The following ASB11 variants were observed in gnomAD, a reference collection of about 807,000 sequenced individuals.
ASB11 encodes the protein ankyrin repeat and SOCS box containing 11, also known as ankyrin repeat and SOCS box protein 11.
In ASB11, 17 loss-of-function variants were observed where a neutral mutation model predicts 20.1. The observed-to-expected ratio is 0.85, with a 90% confidence interval of 0.58 to 1.27. ASB11 has a LOEUF of 1.27. Among genes scored for constraint, ASB11 ranks in the 50% most tolerant of loss-of-function variants. ASB11 has a pLI of 0.00. For synonymous variants in ASB11, 107 were observed against 105.6 expected (o/e 1.01, Z -0.08); for missense variants, 259 against 256.9 (o/e 1.01, Z -0.06).
intron 6 of ASB11, among the ~76,000 whole-genome samples, chrX:15,285,140 C>CT (rs767822616): frequency 0.14 from 11,567 of 81,449 alleles, 917 homozygotes; most frequent in African/African-American, 0.23. Context: ...TTTAATCTTT[C>CT]TTTTTTTTTT....
At chrX:15,292,098 C>T (rs1291105889) in intron 4 of ASB11, 1 of 108,893 alleles carries the variant, frequency 9.2e-6, no homozygotes, top group African/African-American at 3.3e-5. Flanking sequence ...TACTCTACAA[C>T]TTAAAGGACT....
chrX:15,286,400 C>T (rs1440063830), intron 6 of ASB11, among the ~76,000 whole-genome samples: 1 of 110,136 alleles, frequency 9.1e-6, no homozygotes, highest in Non-Finnish European at 1.9e-5. Flanking sequence ...GGTGCAGTGG[C>T]TCACACCTGT....
chrX:15,284,176 C>T lies in ASB11; in HGVS notation c.848-547G>A, dbSNP rs1282869713. On this transcript the variant is annotated intron_variant, in intron 6 of 6. Coordinates refer to ENST00000480796, the MANE Select transcript of ASB11 (RefSeq NM_080873.3). ...CTGAGGCAGGAGAATGGCGTGAACC[C>T]GGGAGGCGGAGCTTGCAGTGAGCCG... 6.9e-5 allele frequency among the ~76,000 whole-genome samples: 7 copies of T among 101,590 alleles called. No homozygotes were observed. In the East Asian group the frequency reaches 9.6e-4, roughly 14 times the overall value. The allele number at this position is 101,590 out of a possible 115,157, so 88.2% of individuals were successfully genotyped here. A position where few individuals can be genotyped will look rare whatever the true frequency, so the allele number is the denominator to read the frequency against.
chrX:15,305,545 C>A (rs963994390), intron 1 of ASB11, among the ~76,000 whole-genome samples: 3 of 109,405 alleles, frequency 2.7e-5, no homozygotes, highest in African/African-American at 1.0e-4. Context: ...GTTCTTGTAA[C>A]TTTTCTGTCG....
At position 15,283,466 on chromosome X, in the gene ASB11, T is replaced by A; in HGVS notation, c.*39A>T. ...GTACTCTAGGTACAGCAGACAACAA[T>A]CTGTGTCATTCCAAGTATCTTCCCA... On this transcript the variant is annotated 3_prime_UTR_variant, in exon 7 of 7. Coordinates refer to ENST00000480796, the MANE Select transcript of ASB11 (RefSeq NM_080873.3). 1 of 1,203,942 alleles carries A rather than the reference T, an allele frequency of 8.3e-7. No individual in the cohort carries two copies. Among genetic ancestry groups the A allele is most frequent in the Non-Finnish European group, 1.1e-6 (1 of 889,011 alleles).
intron 1 of ASB11, chrX:15,314,265 G>C (rs1331710128): frequency 4.9e-6 from 5 of 1,017,671 alleles, no homozygotes; most frequent in African/African-American, 3.9e-5. Context: ...TGCCCAAATT[G>C]ACAAATTAAA....
Position 15,283,203 on chromosome X carries a change from A to G in ASB11, c.*302T>C. On this transcript the variant is annotated 3_prime_UTR_variant, in exon 7 of 7. Coordinates refer to ENST00000480796, the MANE Select transcript of ASB11 (RefSeq NM_080873.3). ...ATTCAGAATGTTGACTTTTAGGTAC[A>G]AGAAGATCCCGAATCATCAAAAAAC... 5.2e-6 allele frequency: 1 copy of G among 190,804 alleles called. No homozygotes were observed. Among genetic ancestry groups the G allele is most frequent in the East Asian group, 9.7e-5 (1 of 10,339 alleles). 15.7% of individuals were successfully genotyped at this position (190,804 alleles called of 1,213,427 possible).
At chrX:15,296,370 G>T (rs1920965240) in intron 3 of ASB11, among the ~76,000 whole-genome samples, 1 of 111,858 alleles carries the variant, frequency 8.9e-6, no homozygotes, top group Non-Finnish European at 1.9e-5. Flanking sequence ...GTAGAAACCC[G>T]ATTTCCATAT....
intron 5 of ASB11, among the ~76,000 whole-genome samples, chrX:15,288,613 G>A (rs998820497): frequency 3.6e-5 from 4 of 111,690 alleles, no homozygotes; most frequent in Non-Finnish European, 5.6e-5. Flanking sequence ...GCCGGGCACA[G>A]TGGCTCACAC....
chrX:15,302,734 A>C lies in ASB11; in HGVS notation c.255T>G (p.Ile85Met), dbSNP rs1390956982. 8.3e-7 allele frequency: 1 copy of C among 1,200,847 alleles called. No homozygotes were observed. Among genetic ancestry groups the C allele is most frequent in the Non-Finnish European group, 1.1e-6 (1 of 886,805 alleles). ...AAGTCTTCAGTTCACTTACTTGTGCAATTAAAGTTTTAAGGGCCAGTAAGC... is the reference window on the plus strand; with the variant it reads ...AAGTCTTCAGTTCACTTACTTGTGCCATTAAAGTTTTAAGGGCCAGTAAGC... ...QGRLLALKTLIAQGVNVNLVT... is the reference protein window; with the variant it reads ...QGRLLALKTLMAQGVNVNLVT... The change falls in exon 2 of 7, where the codon ATT (isoleucine) becomes ATG (methionine). Residue 85 changes from isoleucine (I) to methionine (M), a missense_variant. Physicochemically the swap from Ile to Met is conservative, Grantham distance 10. Transcript: ENST00000480796.
chrX:15,289,404 A>G (rs1927472252), intron 5 of ASB11, 100 bp downstream of exon 5: 1 of 940,875 alleles, frequency 1.1e-6, no homozygotes, highest in African/African-American at 2.0e-5. Flanking sequence ...ATAAAATGCT[A>G]ACCGAATATT....
chrX:15,283,911 G>A (rs1927267362), intron 6 of ASB11, among the ~76,000 whole-genome samples: 1 of 111,378 alleles, frequency 9.0e-6, no homozygotes, highest in Non-Finnish European at 1.9e-5. Context: ...ATGAGGTGTG[G>A]GGTCTAAAGG....
intron 5 of ASB11, among the ~76,000 whole-genome samples, chrX:15,288,771 G>T (rs1375471378): frequency 4.5e-5 from 5 of 110,288 alleles, no homozygotes; most frequent in Non-Finnish European, 9.5e-5. Context: ...TGTAATCCCA[G>T]CTACTCCGGC....
chrX:15,309,954 C>A (rs1264482015), intron 1 of ASB11, among the ~76,000 whole-genome samples: 1 of 38,184 alleles, frequency 2.6e-5, no homozygotes, highest in Non-Finnish European at 5.2e-5. Flanking sequence ...GGCGACAGAG[C>A]AAGACTCCGT....
rs79284344 is a variant in ASB11 at position 15,284,992 on chromosome X, G to C, written c.848-1363C>G. Reference sequence around the variant, plus strand: ...CTGGAGGACCAAACAATCGATCTTAGTTAAAATCTTGGGAAGCAAGAATAG... The same window carrying C: ...CTGGAGGACCAAACAATCGATCTTACTTAAAATCTTGGGAAGCAAGAATAG... On this transcript the variant is annotated intron_variant, in intron 6 of 6. Coordinates refer to ENST00000480796, the MANE Select transcript of ASB11 (RefSeq NM_080873.3). Among the ~76,000 whole-genome samples the C allele has an allele frequency of 4.4e-4, 49 of 111,564 alleles. 1 individual carries two copies. In the East Asian group the frequency reaches 0.014, roughly 31 times the overall value.
In ASB11 at chrX:15,297,625, G is replaced by C; in HGVS notation, c.318C>G (p.Cys106Trp). 1 of 1,209,687 alleles carries C rather than the reference G, an allele frequency of 8.3e-7. No individual in the cohort carries two copies. The highest frequency in any genetic ancestry group is 1.1e-6 in the Non-Finnish European group (1 of 894,363). Residue 106 changes from cysteine to tryptophan, a missense_variant, in exon 3 of 7, where the codon TGC (cysteine) becomes TGG (tryptophan). Physicochemically the swap from Cys to Trp is radical, Grantham distance 215 (BLOSUM62 -2). Coordinates refer to ENST00000480796, the MANE Select transcript of ASB11 (RefSeq NM_080873.3). ...TGGCACAGGCCACGTGACCTCCAAGGCATGCCTCGTGGAGAGAAGACACCC... is the reference window on the plus strand; with the variant it reads ...TGGCACAGGCCACGTGACCTCCAAGCCATGCCTCGTGGAGAGAAGACACCC... ...INRVSSLHEA[C>W]LGGHVACAKA...
intron 3 of ASB11, 124 bp downstream of exon 3, chrX:15,297,450 G>C: frequency 2.0e-6 from 1 of 488,612 alleles, no homozygotes; most frequent in East Asian, 3.9e-5. Context: ...ATGGAATACG[G>C]ACATGGATAG....
At chrX:15,291,483 A>G (rs1434462914) in intron 4 of ASB11, among the ~76,000 whole-genome samples, 2 of 111,310 alleles carry the variant, frequency 1.8e-5, no homozygotes, top group Non-Finnish European at 3.8e-5. Flanking sequence ...AGGTGGGTGG[A>G]TCACCTGAGG....
chrX:15,315,057 G>T lies in ASB11; in HGVS notation c.181+368C>A, dbSNP rs182968884. On this transcript the variant is annotated intron_variant, in intron 1 of 6. Transcript: ENST00000480796. ...TTATTAGTCATTCTATTTCCTGAGA[G>T]AATTTAGTCTGGTTAGAATGCCCTT... 3.2e-3 allele frequency among the ~76,000 whole-genome samples: 361 copies of T among 111,644 alleles called. 2 individuals are homozygous for T. The highest frequency in any genetic ancestry group is 5.7e-3 in the Non-Finnish European group (304 of 53,109).
Sources: allele counts gnomAD v4.1 joint callset (sites outside exome capture counted in the v4.1 genomes callset), GRCh38; gene constraint gnomAD v4.1.1; transcripts MANE v1.5; gene names NCBI Gene and HGNC (gene_info 2026-07-23, HGNC 2026-07-21).